Variants in BCL7C observed in about 807,000 individuals in gnomAD.
BCL7C encodes B-cell CLL/lymphoma 7 protein family member C.
Under a neutral mutation model 26.2 loss-of-function variants are expected in BCL7C, and 8 were observed. The observed-to-expected ratio is 0.30, with a 90% CI of 0.18 to 0.55. The LOEUF is 0.55. Ranked by LOEUF, BCL7C falls within the 20% of genes least tolerant of loss-of-function variation. BCL7C has a pLI of 0.93. For missense variants in BCL7C, 262 were observed against 298.5 expected, an observed-to-expected ratio of 0.88 and a Z score of 0.90; for synonymous variants, 90 against 116.5, an observed-to-expected ratio of 0.77 and a Z score of 1.47.
intron 5 of BCL7C, among the ~76,000 whole-genome samples, chr16:30,877,718 C>T (rs1252491502): frequency 6.6e-6 from 1 of 151,892 alleles, no homozygotes; most frequent in Non-Finnish European, 1.5e-5. Context: ...GGATTACAGG[C>T]GTGAGCCACC....
intron 5 of BCL7C, among the ~76,000 whole-genome samples, chr16:30,854,244 C>T (rs2054700503): frequency 6.6e-6 from 1 of 152,174 alleles, no homozygotes; most frequent in South Asian, 2.1e-4. Flanking sequence ...GTATGGGAGC[C>T]TTATCAACAA....
At chr16:30,883,294 G>A (rs2055070623), downstream of BCL7C, among the ~76,000 whole-genome samples, 1 of 152,124 alleles carries the variant, frequency 6.6e-6, no homozygotes, top group African/African-American at 2.4e-5. Flanking sequence ...AGGGGAGACA[G>A]CAAGGTGGTA....
intron 5 of BCL7C, among the ~76,000 whole-genome samples, chr16:30,862,719 C>T (rs185929200): frequency 2.7e-4 from 41 of 152,268 alleles, no homozygotes; most frequent in Middle Eastern, 3.4e-3. Flanking sequence ...AAACCCCAAA[C>T]CCTTCTACAA....
chr16:30,862,389 G>GCAA (rs2054784494), intron 5 of BCL7C, among the ~76,000 whole-genome samples: 1 of 152,118 alleles, frequency 6.6e-6, no homozygotes, highest in South Asian at 2.1e-4. Flanking sequence ...ATCAGTCTCA[G>GCAA]CAACTTACCT....
At chr16:30,873,287 A>G (rs1016744297) in intron 5 of BCL7C, among the ~76,000 whole-genome samples, 1 of 152,204 alleles carries the variant, frequency 6.6e-6, no homozygotes, top group Non-Finnish European at 1.5e-5. Context: ...AAGGCCACAT[A>G]AAGCCCTAAT....
chr16:30,835,717 G>A (rs1384164563), intron 5 of BCL7C, among the ~76,000 whole-genome samples: 12 of 151,174 alleles, frequency 7.9e-5, no homozygotes, highest in African/African-American at 2.9e-4. Flanking sequence ...ATGGTGGCGG[G>A]CGCCTGTAAT....
chr16:30,835,646 G>A (rs1235043263), intron 5 of BCL7C, among the ~76,000 whole-genome samples: 2 of 151,820 alleles, frequency 1.3e-5, no homozygotes, highest in South Asian at 4.2e-4. Flanking sequence ...AGGAGTTGGA[G>A]ACCAGCCTGA....
chr16:30,893,215 C>A lies in BCL7C; in HGVS notation c.168G>T (p.Glu56Asp). The A allele has an allele frequency of 6.2e-7, 1 of 1,613,098 alleles. No homozygotes were observed. Among genetic ancestry groups the A allele is most frequent in the South Asian group, 1.1e-5 (1 of 90,998 alleles). The change falls in exon 2 of 6, where the codon GAG becomes GAT. Residue 56 changes from glutamate (E) to aspartate (D), a missense_variant. By Grantham distance (45) the Glu-to-Asp change is conservative (BLOSUM62 2). Transcript: ENST00000215115. The surrounding 1 kb of genome is among the most constrained non-coding windows in gnomAD (Gnocchi z 5.2). ...TGTGGGAATGGGGGTTGCTCACCTC[C>A]TCCTGGGGATCCACCACTGGCACCC... ...FKWVPVVDPQ[E>D]EERRRAGGGA...
At position 30,879,882 on chromosome 16, in the gene BCL7C, T is replaced by C. The variant is rs1043987743; in HGVS notation, c.528+8978A>G. On this transcript the variant is annotated intron_variant, in intron 5 of 5. Transcript: ENST00000380317. The stretch of plus-strand genomic sequence containing the variant: ...GCAGGCACCTGTAGTCTCAGCTACT[T>C]GGGAGGCTGAGGCAGGAGAATTGCG... Among the ~76,000 whole-genome samples the C allele has an allele frequency of 2.0e-5, 3 of 150,872 alleles. No individual in the cohort carries two copies. In the Admixed American group the frequency reaches 2.0e-4, roughly 10 times the overall value.
chr16:30,857,563 TCTTA>T (rs1466082281), intron 5 of BCL7C, among the ~76,000 whole-genome samples: 3 of 152,090 alleles, frequency 2.0e-5, no homozygotes, highest in Admixed American at 6.5e-5. Context: ...GTTGTGAGGC[TCTTA>T]GTTACCAAGA....
chr16:30,862,600 G>A (rs369885098), intron 5 of BCL7C, among the ~76,000 whole-genome samples: 16 of 151,900 alleles, frequency 1.1e-4, no homozygotes, highest in African/African-American at 3.6e-4. Flanking sequence ...GGGATATCTC[G>A]TATCCCCCTC....
intron 5 of BCL7C, among the ~76,000 whole-genome samples, chr16:30,867,469 C>A (rs936298624): frequency 1.3e-4 from 19 of 151,996 alleles, no homozygotes; most frequent in African/African-American, 4.6e-4. Flanking sequence ...CCTTGAGATG[C>A]GGGTGGTCTT....
rs766166981 is a variant in BCL7C, at chr16:30,887,866, C to T, written c.653G>A (p.Ter218=). ...CAACAGGACAGGCAGGCCGGCTTCTCAGGGGTCAGGGGCATTTGGGCAGAT... is the reference window on the plus strand; with the variant it reads ...CAACAGGACAGGCAGGCCGGCTTCTTAGGGGTCAGGGGCATTTGGGCAGAT... ...KRICPNAPDP[*] The change falls in exon 6 of 6, where the codon TGA becomes TAA. Residue 218 remains the stop codon, a stop_retained_variant. Transcript: ENST00000215115. The T allele has an allele frequency of 6.4e-7, 1 of 1,573,724 alleles. No homozygotes were observed. Among genetic ancestry groups the T allele is most frequent in the South Asian group, 1.2e-5 (1 of 85,108 alleles).
chr16:30,893,976 C>A lies in BCL7C; in HGVS notation c.-32G>T, dbSNP rs1293818545. On this transcript the variant is annotated 5_prime_UTR_variant, in exon 1 of 6. Transcript: ENST00000215115. The surrounding 1 kb of genome is among the most constrained non-coding windows in gnomAD (Gnocchi z 5.2). ...GGGGCTGGGGCCGGGGCCGAGCCCG[C>A]GGCGGGGCCGCCTCCCGTCCGGCGG... 1.7e-6 allele frequency: 2 copies of A among 1,191,156 alleles called. No homozygotes were observed. Among genetic ancestry groups the A allele is most frequent in the Non-Finnish European group, 2.1e-6 (2 of 946,412 alleles). The allele number at this position is 1,191,156 out of a possible 1,614,324, so 73.8% of individuals were successfully genotyped here. A position where few individuals can be genotyped will look rare whatever the true frequency, so the allele number is the denominator to read the frequency against.
chr16:30,874,948 C>A (rs1448785152), intron 5 of BCL7C, among the ~76,000 whole-genome samples: 1 of 152,186 alleles, frequency 6.6e-6, no homozygotes, highest in East Asian at 1.9e-4. Flanking sequence ...GCACTGGAGA[C>A]CGGGAATGGC....
intron 5 of BCL7C, among the ~76,000 whole-genome samples, chr16:30,868,759 T>C (rs2054854759): frequency 2.0e-5 from 3 of 151,212 alleles, no homozygotes; most frequent in Non-Finnish European, 4.4e-5. Context: ...CACTCCAGCC[T>C]GGGCAACAAG....
chr16:30,856,334 A>G (rs1392057007), intron 5 of BCL7C, among the ~76,000 whole-genome samples: 5 of 150,856 alleles, frequency 3.3e-5, no homozygotes, highest in African/African-American at 1.2e-4. Context: ...CCAGCTACTC[A>G]GGAGGCTGAG....
At chr16:30,869,678 A>AT (rs1201500351) in intron 5 of BCL7C, among the ~76,000 whole-genome samples, 1 of 151,228 alleles carries the variant, frequency 6.6e-6, no homozygotes, top group Non-Finnish European at 1.5e-5. Flanking sequence ...TGCCCGACTA[A>AT]TTTTTTTTAT....
chr16:30,852,925 T>C (rs985133696), intron 5 of BCL7C, among the ~76,000 whole-genome samples: 18 of 149,030 alleles, frequency 1.2e-4, no homozygotes, highest in Non-Finnish European at 2.4e-4. Context: ...TCCAGAAGCT[T>C]TTTCTATTTT....
Sources: gnomAD v4.1 joint callset for allele counts (sites outside exome capture counted in the v4.1 genomes callset) on GRCh38, gnomAD v4.1.1 for gene constraint, Gnocchi (gnomAD v3.1) non-coding constraint, MANE v1.5 for transcripts, NCBI Gene and HGNC (gene_info 2026-07-23, HGNC 2026-07-21) for gene names.